ABCA10: variants seen among roughly 807,000 people sequenced by gnomAD.
The protein encoded by ABCA10 is ATP binding cassette subfamily A member 10.
Under a neutral mutation model 187.5 loss-of-function variants are expected in ABCA10, and 169 were observed. The ratio of observed to expected loss-of-function variants is 0.90; its 90% CI spans 0.80 to 1.02. The LOEUF is 1.02. Ranked by LOEUF, ABCA10 falls within the 50% of genes least tolerant of loss-of-function variation. The pLI is 0.00. For synonymous variants in ABCA10, 574 were observed against 601.8 expected, an observed-to-expected ratio of 0.95 and a Z score of 0.68; for missense variants, 1,727 against 1,812.4, an observed-to-expected ratio of 0.95 and a Z score of 0.86.
intron 34 of ABCA10, among the ~76,000 whole-genome samples, chr17:69,152,807 TAA>T: frequency 4.8e-5 from 1 of 20,706 alleles, no homozygotes; most frequent in Non-Finnish European, 1.9e-4. Context: ...ATTAAGTAAA[TAA>T]ATAAATAAAT....
intron 31 of ABCA10, 91 bp from the exon 32 acceptor site, chr17:69,154,100 A>G (rs2074153562): frequency 6.6e-7 from 1 of 1,510,352 alleles, no homozygotes; most frequent in African/African-American, 1.4e-5. Context: ...TTAAGCTACA[A>G]TATTTTTTGA....
At chr17:69,169,618 G>A (rs999296175) in intron 25 of ABCA10, among the ~76,000 whole-genome samples, 6 of 152,184 alleles carry the variant, frequency 3.9e-5, no homozygotes, top group Admixed American at 6.5e-5. Context: ...CCATAATTGA[G>A]ACAGCATGGT....
rs1222683122 is a variant in ABCA10 at position 69,194,297 on chromosome 17, T to C, written c.1345+88A>G. ...CTAAATTATTCAACTGTGTAACAAG[T>C]CCAATTTAGAGAAACATTTTTTACA... On this transcript the variant is annotated intron_variant, in intron 12 of 38. Transcript: ENST00000690296. The C allele has an allele frequency of 8.1e-6, 9 of 1,115,700 alleles. No homozygotes were observed. The East Asian group carries it at 1.2e-4, about 15-fold the overall frequency. The allele number at this position is 1,115,700 out of a possible 1,614,324, so 69.1% of individuals were successfully genotyped here.
Position 69,159,610 on chromosome 17 carries a change from G to A in ABCA10, c.3364-2687C>T, listed in dbSNP as rs2074199646. 2.0e-5 allele frequency among the ~76,000 whole-genome samples: 3 copies of A among 152,000 alleles called. No individual in the cohort carries two copies. The South Asian group carries it at 6.2e-4, about 32-fold the overall frequency. ...TTTCTTCTCTTCAGAAACAATGGAG[G>A]CCAGGAGAAAGTGTGATGATGTAAT... On this transcript the variant is annotated intron_variant, in intron 27 of 38. Coordinates refer to ENST00000690296, the MANE Select transcript of ABCA10 (RefSeq NM_001377321.1).
chr17:69,213,139 T>G (rs1173675498), intron 9 of ABCA10, among the ~76,000 whole-genome samples: 4 of 152,134 alleles, frequency 2.6e-5, no homozygotes, highest in Admixed American at 2.6e-4. Context: ...TGACTTTGTG[T>G]AATGGCTTGA....
intron 22 of ABCA10, among the ~76,000 whole-genome samples, chr17:69,178,694 T>C (rs1426743921): frequency 1.3e-5 from 2 of 152,210 alleles, no homozygotes; most frequent in African/African-American, 4.8e-5. Flanking sequence ...GGGTGAGCAG[T>C]AAAATATACT....
intron 20 of ABCA10, 56 bp downstream of exon 20, chr17:69,185,421 T>C: frequency 6.5e-7 from 1 of 1,533,508 alleles, no homozygotes; most frequent in Non-Finnish European, 8.8e-7. Context: ...AGGTATGTGC[T>C]TTCTAAAGAT....
In ABCA10 at chr17:69,153,972, T is replaced by C; in HGVS notation, c.3824A>G (p.Gln1275Arg). Residue 1275 changes from glutamine (Q) to arginine (R), a missense_variant, in exon 32 of 39, where the codon CAG becomes CGG. Gln to Arg is a conservative substitution (Grantham distance 43). Coordinates refer to ENST00000690296, the MANE Select transcript of ABCA10 (RefSeq NM_001377321.1). ...CAAGAACTTGAGGCTGTTGTCATGC[T>C]GTTGCCTTACTGATGCTCTGCTGCC... is the stretch of plus-strand genomic sequence containing the variant. ...LQGSRASVRQ[Q>R]HDNSLKFLGY... 1.2e-6 allele frequency: 2 copies of C among 1,614,078 alleles called. No individual in the cohort carries two copies. The highest frequency in any genetic ancestry group is 1.7e-6 in the Non-Finnish European group (2 of 1,179,956).
At chr17:69,227,719 C>T (rs1317224676) in intron 1 of ABCA10, among the ~76,000 whole-genome samples, 1 of 151,966 alleles carries the variant, frequency 6.6e-6, no homozygotes, top group Non-Finnish European at 1.5e-5. Flanking sequence ...CACAAGCTGT[C>T]TTATTTTGAA....
chr17:69,198,971 T>G (rs2074524732), intron 10 of ABCA10, among the ~76,000 whole-genome samples: 1 of 152,232 alleles, frequency 6.6e-6, no homozygotes, highest in East Asian at 1.9e-4. Flanking sequence ...ATGATCAGAT[T>G]TGGTGCCTAC....
intron 25 of ABCA10, among the ~76,000 whole-genome samples, chr17:69,165,707 C>T (rs557736811): frequency 1.2e-3 from 181 of 152,136 alleles, no homozygotes; most frequent in African/African-American, 4.3e-3. Flanking sequence ...ATACAGTTAA[C>T]TCTTGAATAA....
At chr17:69,219,397 C>G in intron 6 of ABCA10, 148 bp downstream of exon 6, 1 of 506,822 alleles carries the variant, frequency 2.0e-6, no homozygotes, top group Non-Finnish European at 3.4e-6. Flanking sequence ...TTACTTTCTA[C>G]TGCAAGCATC....
chr17:69,243,794 A>G (rs1292192312), intron 1 of ABCA10, among the ~76,000 whole-genome samples: 2 of 152,188 alleles, frequency 1.3e-5, no homozygotes, highest in Admixed American at 1.3e-4. Context: ...GCTACTCAGG[A>G]GGCTGAGGTG....
chr17:69,212,322 T>C (rs2074667307), intron 9 of ABCA10, among the ~76,000 whole-genome samples: 1 of 152,174 alleles, frequency 6.6e-6, no homozygotes, highest in African/African-American at 2.4e-5. Flanking sequence ...TCAATTTTGT[T>C]CCACTGTGGT....
chr17:69,174,249 A>G, intron 25 of ABCA10, 32 bp downstream of exon 25: 8 of 1,440,082 alleles, frequency 5.6e-6, no homozygotes, highest in Middle Eastern at 1.9e-4. Context: ...AGGAAATTTA[A>G]TATAAATGTG....
At chr17:69,215,709 A>G (rs890834196) in intron 8 of ABCA10, 106 bp downstream of exon 8, 2 of 1,126,246 alleles carry the variant, frequency 1.8e-6, no homozygotes, top group African/African-American at 3.3e-5. Flanking sequence ...AGAATTTCTT[A>G]AAACACAGAG....
chr17:69,153,821 C>T lies in ABCA10; in HGVS notation c.3965+10G>A, dbSNP rs1226278266. 2.5e-6 allele frequency: 4 copies of T among 1,602,126 alleles called. No homozygotes were observed. The highest frequency in any genetic ancestry group is 3.4e-6 in the Non-Finnish European group (4 of 1,175,104). Reference sequence around the variant, plus strand: ...CCTCCTGCTACAAATTGTGAGACTTCTCTCTGTACCGTGAAATACTGAGAG... The same window carrying T: ...CCTCCTGCTACAAATTGTGAGACTTTTCTCTGTACCGTGAAATACTGAGAG... On this transcript the variant is annotated intron_variant, in intron 32 of 38. Coordinates refer to ENST00000690296, the MANE Select transcript of ABCA10 (RefSeq NM_001377321.1).
intron 22 of ABCA10, among the ~76,000 whole-genome samples, chr17:69,181,553 T>C (rs1357261417): frequency 2.0e-5 from 3 of 152,022 alleles, no homozygotes; most frequent in African/African-American, 7.2e-5. Context: ...GTAATAAATG[T>C]AATGGAAAAA....
At chr17:69,204,282 G>A (rs2074572990) in intron 9 of ABCA10, among the ~76,000 whole-genome samples, 1 of 152,146 alleles carries the variant, frequency 6.6e-6, no homozygotes, top group Non-Finnish European at 1.5e-5. Flanking sequence ...ACGTTGCTGG[G>A]CATACATGCT....
Sources: gnomAD v4.1 joint callset for allele counts (sites outside exome capture counted in the v4.1 genomes callset) on GRCh38, gnomAD v4.1.1 for gene constraint, MANE v1.5 for transcripts, NCBI Gene and HGNC (gene_info 2026-07-23, HGNC 2026-07-21) for gene names.